The following GTF2IRD2B variants were observed in gnomAD, a reference collection of about 807,000 sequenced individuals.
The protein encoded by GTF2IRD2B is general transcription factor II-I repeat domain-containing protein 2B.
A neutral mutation model predicts 55.6 loss-of-function variants in GTF2IRD2B; 10 were observed. The ratio of observed to expected loss-of-function variants is 0.18; its 90% confidence interval spans 0.11 to 0.31. GTF2IRD2B has a LOEUF of 0.31. GTF2IRD2B is among the 10% of genes least tolerant of loss of function. The pLI is 1.00. For missense variants in GTF2IRD2B, 206 were observed against 802.7 expected, an observed-to-expected ratio of 0.26 and a Z score of 8.98; for synonymous variants, 107 against 320.5, an observed-to-expected ratio of 0.33 and a Z score of 7.12.
intron 4 of GTF2IRD2B, among the ~76,000 whole-genome samples, chr7:75,121,716 C>G (rs1554451972): frequency 6.6e-6 from 1 of 151,682 alleles, no homozygotes; most frequent in Non-Finnish European, 1.5e-5. Context: ...GCCTTGGCCT[C>G]CCAAAATGCT....
intron 8 of GTF2IRD2B, among the ~76,000 whole-genome samples, chr7:75,130,095 TTC>T (rs1337687782): frequency 1.7e-5 from 1 of 60,160 alleles, no homozygotes; most frequent in Non-Finnish European, 3.7e-5. Flanking sequence ...TATTTTCTCT[TTC>T]TTTCTTTCTT....
chr7:75,132,749 C>T (rs1283083243), intron 8 of GTF2IRD2B, among the ~76,000 whole-genome samples: 3 of 147,390 alleles, frequency 2.0e-5, no homozygotes, highest in East Asian at 3.9e-4. Flanking sequence ...GACAGGGTTT[C>T]ACCATGTTAG....
chr7:75,109,392 G>A (rs1214878722), intron 2 of GTF2IRD2B, among the ~76,000 whole-genome samples: 8 of 145,346 alleles, frequency 5.5e-5, no homozygotes, highest in African/African-American at 1.7e-4. Context: ...AGGCTGGAGT[G>A]CAGTGGCATG....
chr7:75,111,093 CAAA>C (rs1317548496), intron 2 of GTF2IRD2B, among the ~76,000 whole-genome samples: 7 of 90,620 alleles, frequency 7.7e-5, no homozygotes, highest in Admixed American at 1.2e-4. Flanking sequence ...GGCTCCGTCT[CAAA>C]AAAAAAAAAA....
intron 1 of GTF2IRD2B, among the ~76,000 whole-genome samples, chr7:75,102,797 A>C (rs1365743987): frequency 2.0e-5 from 3 of 151,914 alleles, no homozygotes; most frequent in Non-Finnish European, 4.4e-5. Context: ...ATCTCTACTA[A>C]AAACACAAAA....
At chr7:75,124,004 C>T (rs1203902319) in intron 6 of GTF2IRD2B, 1 of 151,896 alleles carries the variant, frequency 6.6e-6, no homozygotes, top group African/African-American at 2.8e-5. Context: ...CAGATGTATC[C>T]CCCCCCCTTT....
Position 75,123,728 on chromosome 7 carries a change from A to T in GTF2IRD2B, c.571+212A>T, listed in dbSNP as rs587655136. ...GTCTGTACTAAAAATACGAAAAAAAATTAGCCGGGCGTGGTGGCGGGCGCC... is the reference window on the plus strand; with the variant it reads ...GTCTGTACTAAAAATACGAAAAAAATTTAGCCGGGCGTGGTGGCGGGCGCC... On this transcript the variant is annotated intron_variant, in intron 6 of 15. Transcript: ENST00000472837. The T allele has an allele frequency of 4.5e-4, 282 of 627,882 alleles. 6 individuals are homozygous for T. The highest frequency in any genetic ancestry group is 3.5e-3 in the South Asian group (202 of 56,916). 38.9% of individuals were successfully genotyped at this position (627,882 alleles called of 1,614,324 possible).
intron 8 of GTF2IRD2B, among the ~76,000 whole-genome samples, chr7:75,132,247 C>A (rs1216142213): frequency 3.0e-5 from 4 of 135,586 alleles, no homozygotes; most frequent in African/African-American, 1.3e-4. Context: ...TGGCGTGGGC[C>A]ACTTGGGAGG....
intron 1 of GTF2IRD2B, among the ~76,000 whole-genome samples, chr7:75,104,923 G>A (rs1475322995): frequency 2.6e-5 from 4 of 152,300 alleles, no homozygotes; most frequent in Admixed American, 6.5e-5. Flanking sequence ...GGCTGGGCGC[G>A]GTGGCTCACA....
intron 15 of GTF2IRD2B, among the ~76,000 whole-genome samples, chr7:75,147,230 C>T (rs1219972958): frequency 1.3e-4 from 19 of 151,660 alleles, no homozygotes; most frequent in African/African-American, 2.2e-4. Flanking sequence ...GTCAGGAGTT[C>T]GAGACCAGCC....
At chr7:75,115,423 T>A (rs1189701843) in intron 3 of GTF2IRD2B, among the ~76,000 whole-genome samples, 30 of 150,436 alleles carry the variant, frequency 2.0e-4, no homozygotes, top group Non-Finnish European at 4.1e-4. Flanking sequence ...TATGAATTTT[T>A]TTTTATTTTT....
At chr7:75,137,454 GAC>G (rs1176234252) in intron 11 of GTF2IRD2B, among the ~76,000 whole-genome samples, 1 of 146,010 alleles carries the variant, frequency 6.8e-6, no homozygotes, top group African/African-American at 2.6e-5. Flanking sequence ...TTCTAGATCA[GAC>G]TGGGCAACAT....
At chr7:75,115,913 TC>T (rs1808134220) in intron 3 of GTF2IRD2B, among the ~76,000 whole-genome samples, 401 of 135,202 alleles carry the variant, frequency 3.0e-3, no homozygotes, top group South Asian at 5.0e-3. Context: ...TAATTTCTTT[TC>T]TTTCTTTTTT....
chr7:75,112,026 A>G (rs1360137670), intron 2 of GTF2IRD2B, among the ~76,000 whole-genome samples: 1 of 12,624 alleles, frequency 7.9e-5, no homozygotes, highest in Admixed American at 1.5e-3. Flanking sequence ...GGCGGATCAC[A>G]AGGTCAGGAG....
intron 3 of GTF2IRD2B, among the ~76,000 whole-genome samples, chr7:75,114,096 G>A (rs1554451058): frequency 6.8e-6 from 1 of 146,782 alleles, no homozygotes; most frequent in African/African-American, 2.5e-5. Flanking sequence ...TGAATGGATA[G>A]AGAGAGAGAG....
At chr7:75,105,887 A>G (rs1331703700) in intron 1 of GTF2IRD2B, among the ~76,000 whole-genome samples, 1 of 152,310 alleles carries the variant, frequency 6.6e-6, no homozygotes, top group Non-Finnish European at 1.5e-5. Flanking sequence ...GCGATCTGGA[A>G]CCCAGGCTGC....
At chr7:75,123,107 C>T (rs782469580) in intron 4 of GTF2IRD2B, 29 bp from the exon 5 acceptor site, 2 of 1,548,884 alleles carry the variant, frequency 1.3e-6, no homozygotes, top group East Asian at 2.3e-5. Context: ...AGGTTCACAC[C>T]ATCCAAAGAC....
chr7:75,122,756 CA>C (rs1183718066), intron 4 of GTF2IRD2B, among the ~76,000 whole-genome samples: 1 of 138,730 alleles, frequency 7.2e-6, no homozygotes, highest in Admixed American at 7.3e-5. Flanking sequence ...AAAACAAAAA[CA>C]AAAAAAACTA....
chr7:75,120,069 C>T (rs1393527898), intron 3 of GTF2IRD2B, among the ~76,000 whole-genome samples: 1 of 127,730 alleles, frequency 7.8e-6, no homozygotes, highest in Non-Finnish European at 1.6e-5. Flanking sequence ...GCAGAACTTG[C>T]AGTGAGTGGA....
Sources: allele counts gnomAD v4.1 joint callset (sites outside exome capture counted in the v4.1 genomes callset), GRCh38; gene constraint gnomAD v4.1.1; transcripts MANE v1.5; gene names NCBI Gene and HGNC (gene_info 2026-07-23, HGNC 2026-07-21).